Variants in WWOX observed in about 807,000 individuals in gnomAD.
The protein encoded by WWOX is WW domain-containing oxidoreductase.
In WWOX, 69 loss-of-function variants were observed where a neutral mutation model predicts 46.2. That is an observed-to-expected ratio of 1.49 (90% confidence interval 1.23 to 1.82). The LOEUF is 1.82. WWOX is among the 40% of genes most tolerant of loss of function. The pLI is 0.00. For missense variants in WWOX, 919 were observed against 542.6 expected (o/e 1.69, Z -6.89); for synonymous variants, 359 against 202.6 (o/e 1.77, Z -6.56).
intron 5 of WWOX, among the ~76,000 whole-genome samples, chr16:78,199,572 A>G (rs1218289414): frequency 6.6e-6 from 1 of 152,146 alleles, no homozygotes; most frequent in East Asian, 1.9e-4. Flanking sequence ...ATGCTCTACC[A>G]GATGCTAGCA....
At chr16:78,521,540 TTAAA>T (rs2151499012) in intron 8 of WWOX, among the ~76,000 whole-genome samples, 1 of 152,332 alleles carries the variant, frequency 6.6e-6, no homozygotes, top group Admixed American at 6.5e-5. Flanking sequence ...TCCTCCTTCG[TTAAA>T]TAGAGTTCTA....
intron 5 of WWOX, among the ~76,000 whole-genome samples, chr16:78,247,991 A>G (rs1020146965): frequency 2.0e-5 from 3 of 152,232 alleles, no homozygotes; most frequent in South Asian, 2.1e-4. Context: ...ATCATCAGCT[A>G]TGCAACATAA....
intron 8 of WWOX, among the ~76,000 whole-genome samples, chr16:78,620,168 T>C (rs1458940980): frequency 2.0e-5 from 3 of 152,308 alleles, no homozygotes; most frequent in Admixed American, 6.5e-5. Context: ...ATAATAATAC[T>C]ATACCTTTTG....
chr16:78,958,468 T>C (rs1170939084), intron 8 of WWOX, among the ~76,000 whole-genome samples: 2 of 152,218 alleles, frequency 1.3e-5, no homozygotes, highest in Admixed American at 6.5e-5. Context: ...GGAGAGGTTT[T>C]ATGGTTCTGA....
intron 8 of WWOX, among the ~76,000 whole-genome samples, chr16:78,924,652 A>C (rs796326942): frequency 2.0e-5 from 3 of 152,350 alleles, no homozygotes; most frequent in South Asian, 4.1e-4. Context: ...TTACTCCACG[A>C]TTATCCATTC....
intron 8 of WWOX, chr16:79,203,884 C>T: frequency 6.6e-6 from 1 of 152,268 alleles, no homozygotes. Flanking sequence ...ATAACCATAA[C>T]AGAGGTTAAA....
intron 8 of WWOX, among the ~76,000 whole-genome samples, chr16:78,477,735 G>A (rs1003653141): frequency 6.6e-6 from 1 of 152,000 alleles, no homozygotes. Context: ...ACCATGTTAC[G>A]TGCGGATAAT....
At chr16:79,074,554 C>G (rs1368088356) in intron 8 of WWOX, among the ~76,000 whole-genome samples, 1 of 151,168 alleles carries the variant, frequency 6.6e-6, no homozygotes, top group African/African-American at 2.4e-5. Flanking sequence ...GATCTCTACA[C>G]TCCTACTTGG....
At chr16:79,085,732 C>G (rs567701720) in intron 8 of WWOX, among the ~76,000 whole-genome samples, 1 of 152,088 alleles carries the variant, frequency 6.6e-6, no homozygotes, top group Admixed American at 6.6e-5. Context: ...AGTCAAAAGG[C>G]ATTCAGAAGT....
intron 8 of WWOX, among the ~76,000 whole-genome samples, chr16:78,536,099 A>G (rs1033208282): frequency 6.6e-6 from 1 of 152,184 alleles, no homozygotes; most frequent in Admixed American, 6.5e-5. Context: ...CCTTGTATAC[A>G]GTAAGCATTC....
At chr16:78,743,136 C>T (rs1412958235) in intron 8 of WWOX, among the ~76,000 whole-genome samples, 1 of 152,080 alleles carries the variant, frequency 6.6e-6, no homozygotes, top group Non-Finnish European at 1.5e-5. Flanking sequence ...GTGTCTTTCT[C>T]TGTGTGCTGC....
intron 8 of WWOX, among the ~76,000 whole-genome samples, chr16:78,750,999 T>G (rs187203691): frequency 1.0e-3 from 158 of 152,274 alleles, no homozygotes; most frequent in African/African-American, 3.5e-3. Flanking sequence ...TTCCTTTGAA[T>G]GTATACCCAC....
At chr16:78,995,055 C>T (rs572549349) in intron 8 of WWOX, among the ~76,000 whole-genome samples, 1 of 150,686 alleles carries the variant, frequency 6.6e-6, no homozygotes, top group African/African-American at 2.4e-5. Flanking sequence ...TCCCAGTCCC[C>T]CTGGTAAAAA....
intron 8 of WWOX, among the ~76,000 whole-genome samples, chr16:78,585,520 C>A (rs2045175375): frequency 6.6e-6 from 1 of 152,130 alleles, no homozygotes; most frequent in African/African-American, 2.4e-5. Context: ...ACCCCAGGAT[C>A]CCCAGAGGGT....
At chr16:78,846,771 G>A (rs184687198) in intron 8 of WWOX, among the ~76,000 whole-genome samples, 1 of 151,978 alleles carries the variant, frequency 6.6e-6, no homozygotes, top group South Asian at 2.1e-4. Flanking sequence ...ATTAATTTTA[G>A]CATCCCTCTG....
intron 3 of WWOX, 58 bp downstream of exon 3, chr16:78,109,893 A>G: frequency 6.4e-7 from 1 of 1,558,490 alleles, no homozygotes; most frequent in East Asian, 2.3e-5. Flanking sequence ...GGAATTTTTA[A>G]TTATAAAAGT....
At chr16:79,108,548 G>A (rs185544263) in intron 8 of WWOX, among the ~76,000 whole-genome samples, 2 of 152,318 alleles carry the variant, frequency 1.3e-5, no homozygotes, top group East Asian at 1.9e-4. Context: ...CACTTCATAT[G>A]CCATTCATAC....
At chr16:78,805,105 A>C (rs1047616295) in intron 8 of WWOX, among the ~76,000 whole-genome samples, 2 of 152,176 alleles carry the variant, frequency 1.3e-5, no homozygotes, top group African/African-American at 4.8e-5. Context: ...GAAATTAAGA[A>C]TATCACTACC....
intron 5 of WWOX, among the ~76,000 whole-genome samples, chr16:78,280,656 G>C (rs1007220013): frequency 6.6e-6 from 1 of 151,350 alleles, no homozygotes; most frequent in Non-Finnish European, 1.5e-5. Flanking sequence ...GTGACAGAGC[G>C]TGGGGTGGGG....
Sources: gnomAD v4.1 joint callset for allele counts (sites outside exome capture counted in the v4.1 genomes callset) on GRCh38, gnomAD v4.1.1 for gene constraint, MANE v1.5 for transcripts, NCBI Gene and HGNC (gene_info 2026-07-23, HGNC 2026-07-21) for gene names.